The following RALGPS1 variants were observed in gnomAD, a reference collection of about 807,000 sequenced individuals.
The protein encoded by RALGPS1 is ras-specific guanine nucleotide-releasing factor RalGPS1.
A neutral mutation model predicts 78.8 loss-of-function variants in RALGPS1; 19 were observed. That is an observed-to-expected ratio of 0.24 (90% CI 0.17 to 0.35). The LOEUF (loss-of-function observed/expected upper bound fraction) is 0.35. RALGPS1 is among the 10% of genes least tolerant of loss of function. RALGPS1 has a pLI of 1.00. For synonymous variants in RALGPS1, 228 were observed against 256.3 expected (o/e 0.89, Z 1.06); for missense variants, 454 against 688.3 (o/e 0.66, Z 3.81).
At chr9:127,134,200 A>G (rs1316565714) in intron 8 of RALGPS1, among the ~76,000 whole-genome samples, 1 of 152,014 alleles carries the variant, frequency 6.6e-6, no homozygotes, top group Non-Finnish European at 1.5e-5. Context: ...TTAAAGACCC[A>G]CAGTCTCTTT....
At chr9:127,204,474 A>G (rs1412217016) in intron 14 of RALGPS1, among the ~76,000 whole-genome samples, 3 of 152,046 alleles carry the variant, frequency 2.0e-5, no homozygotes, top group Non-Finnish European at 2.9e-5. Context: ...CCACCAAGAA[A>G]GCAACCCAGG....
At chr9:126,952,172 T>G (rs2037887781) in intron 1 of RALGPS1, among the ~76,000 whole-genome samples, 1 of 152,212 alleles carries the variant, frequency 6.6e-6, no homozygotes, top group South Asian at 2.1e-4. Context: ...CTGTGGAGGA[T>G]CCTGTCTCTA....
chr9:126,963,650 T>G (rs10987528), intron 2 of RALGPS1, among the ~76,000 whole-genome samples: 57,389 of 152,030 alleles, frequency 0.38, 12,647 homozygotes, highest in Non-Finnish European at 0.48. Context: ...TAATTTAATA[T>G]TCACAATAAC....
At chr9:127,191,672 T>C (rs1281576948) in intron 11 of RALGPS1, among the ~76,000 whole-genome samples, 1 of 151,410 alleles carries the variant, frequency 6.6e-6, no homozygotes, top group Non-Finnish European at 1.5e-5. Flanking sequence ...ATCAGGTTTT[T>C]TTGTTTTTGT....
intron 8 of RALGPS1, among the ~76,000 whole-genome samples, chr9:127,084,599 TC>T (rs1171615379): frequency 1.3e-5 from 2 of 152,114 alleles, no homozygotes; most frequent in East Asian, 3.9e-4. Flanking sequence ...GTGGGAATGG[TC>T]CCTTGAAGTC....
intron 4 of RALGPS1, among the ~76,000 whole-genome samples, chr9:126,984,889 A>G (rs993733330): frequency 2.6e-5 from 4 of 152,266 alleles, no homozygotes; most frequent in Non-Finnish European, 5.9e-5. Context: ...AAGACTGCTT[A>G]GTATTACTGG....
At position 127,211,488 on chromosome 9, in the gene RALGPS1, T is replaced by C. The variant is rs1217399236; in HGVS notation, c.1248-643T>C. Among the ~76,000 whole-genome samples the C allele has an allele frequency of 6.6e-6, 1 of 152,174 alleles. No homozygotes were observed. The highest frequency in any genetic ancestry group is 1.5e-5 in the Non-Finnish European group (1 of 68,012). The stretch of plus-strand genomic sequence containing the variant: ...ATCCGAGAGGAAGAAAATCCCCGCT[T>C]TCTGGCTGAAGCAGCCAGTAGGGGG... On this transcript the variant is annotated intron_variant, in intron 14 of 18. Coordinates refer to ENST00000259351, the MANE Select transcript of RALGPS1 (RefSeq NM_014636.3). The surrounding 1 kb of genome is among the most constrained non-coding windows in gnomAD (Gnocchi z 5.0).
intron 5 of RALGPS1, among the ~76,000 whole-genome samples, chr9:127,049,778 C>T (rs763773896): frequency 3.3e-5 from 5 of 152,206 alleles, no homozygotes; most frequent in East Asian, 1.9e-4. Flanking sequence ...GGAGGCCCAG[C>T]GCTCCCTGGG....
intron 11 of RALGPS1, among the ~76,000 whole-genome samples, chr9:127,177,413 A>G (rs1052266739): frequency 6.6e-6 from 1 of 152,136 alleles, no homozygotes; most frequent in African/African-American, 2.4e-5. Context: ...ACACGCCTGC[A>G]TGCTGCTTCC....
At chr9:127,168,998 A>C (rs1177665394) in intron 10 of RALGPS1, among the ~76,000 whole-genome samples, 1 of 152,220 alleles carries the variant, frequency 6.6e-6, no homozygotes, top group Non-Finnish European at 1.5e-5. Context: ...AACAGCTCTC[A>C]TACCCATCTC....
chr9:126,999,574 A>G (rs2043100988), intron 4 of RALGPS1, among the ~76,000 whole-genome samples: 1 of 152,200 alleles, frequency 6.6e-6, no homozygotes, highest in Non-Finnish European at 1.5e-5. Flanking sequence ...TTAGAATCAT[A>G]TAGTATGTAG....
At chr9:126,969,871 A>C (rs2039930581) in intron 3 of RALGPS1, among the ~76,000 whole-genome samples, 2 of 152,156 alleles carry the variant, frequency 1.3e-5, no homozygotes, top group Admixed American at 1.3e-4. Context: ...TTGAGAATGC[A>C]GTGCTAAAAC....
chr9:126,951,247 G>A, intron 1 of RALGPS1, among the ~76,000 whole-genome samples: 1 of 146,010 alleles, frequency 6.8e-6, no homozygotes, highest in Non-Finnish European at 1.5e-5. Flanking sequence ...GTACAAGGAG[G>A]AACTGGTACC....
intron 11 of RALGPS1, among the ~76,000 whole-genome samples, chr9:127,192,480 C>A (rs1339533601): frequency 6.6e-6 from 1 of 152,120 alleles, no homozygotes; most frequent in African/African-American, 2.4e-5. Context: ...ATGTATGGGT[C>A]TCAGGCTCAG....
At chr9:127,018,675 A>ATAATAG (rs2045139366) in intron 4 of RALGPS1, among the ~76,000 whole-genome samples, 1 of 150,860 alleles carries the variant, frequency 6.6e-6, no homozygotes, top group African/African-American at 2.4e-5. Context: ...AATAATAATA[A>ATAATAG]TAATAACGAT....
intron 8 of RALGPS1, among the ~76,000 whole-genome samples, chr9:127,163,944 A>G (rs766163509): frequency 1.6e-4 from 25 of 152,180 alleles, no homozygotes; most frequent in Admixed American, 6.5e-5. Flanking sequence ...ATAAGTTTTG[A>G]TATGTAGTAT....
At chr9:127,216,848 G>GACA (rs2062613245) in intron 18 of RALGPS1, 1 of 1,420,434 alleles carries the variant, frequency 7.0e-7, no homozygotes, top group African/African-American at 1.5e-5. Context: ...TCCCTCAGTA[G>GACA]CTCTGAGGGC....
At chr9:126,933,019 CAG>C (rs1157149265) in intron 1 of RALGPS1, among the ~76,000 whole-genome samples, 2 of 151,886 alleles carry the variant, frequency 1.3e-5, no homozygotes, top group South Asian at 2.1e-4. Context: ...AAATATGGGA[CAG>C]GGGAGGGTGG....
At chr9:127,024,476 T>A (rs943313684) in intron 4 of RALGPS1, among the ~76,000 whole-genome samples, 2 of 151,478 alleles carry the variant, frequency 1.3e-5, no homozygotes, top group Non-Finnish European at 1.5e-5. Context: ...TTCTGTTGAT[T>A]ATACTTTTAC....
Sources: allele counts gnomAD v4.1 joint callset (sites outside exome capture counted in the v4.1 genomes callset), GRCh38; gene constraint gnomAD v4.1.1; non-coding constraint Gnocchi (gnomAD v3.1); transcripts MANE v1.5; gene names NCBI Gene and HGNC (gene_info 2026-07-23, HGNC 2026-07-21).